VSTM4: variants seen among roughly 807,000 people sequenced by gnomAD.
VSTM4 encodes the protein V-set and transmembrane domain containing 4.
VSTM4 carries 20 observed loss-of-function variants against 36.4 expected under a neutral mutation model. The observed-to-expected ratio is 0.55, with a 90% confidence interval of 0.39 to 0.80. The LOEUF (loss-of-function observed/expected upper bound fraction) is 0.80. Among genes scored for constraint, VSTM4 ranks in the 30% least tolerant of loss-of-function variants. The probability of loss-of-function intolerance (pLI) is 0.00; values close to 1 mark genes in which losing one functional copy is unlikely to be tolerated. For missense variants in VSTM4, 392 were observed against 404.5 expected (o/e 0.97, Z 0.26); for synonymous variants, 182 against 173.9 (o/e 1.05, Z -0.37).
chr10:49,072,468 C>A (rs1340657373), intron 4 of VSTM4, among the ~76,000 whole-genome samples: 1 of 152,224 alleles, frequency 6.6e-6, no homozygotes, highest in Non-Finnish European at 1.5e-5. Flanking sequence ...TTGTTCCTTG[C>A]TTGCTTGGCC....
intron 5 of VSTM4, among the ~76,000 whole-genome samples, chr10:49,063,081 G>A (rs1033530946): frequency 6.6e-6 from 1 of 150,724 alleles, no homozygotes; most frequent in African/African-American, 2.4e-5. Flanking sequence ...CCTCATGCCT[G>A]CAATCCCAGC....
chr10:49,106,196 T>G (rs1288429179), intron 2 of VSTM4, among the ~76,000 whole-genome samples: 2 of 152,330 alleles, frequency 1.3e-5, no homozygotes, highest in East Asian at 3.9e-4. Flanking sequence ...AAAATACTTT[T>G]CACAACTAAG....
At chr10:49,073,708 C>T (rs1221868564) in intron 4 of VSTM4, among the ~76,000 whole-genome samples, 1 of 152,154 alleles carries the variant, frequency 6.6e-6, no homozygotes, top group Non-Finnish European at 1.5e-5. Context: ...GGGGACAATC[C>T]TTGACCATTG....
chr10:49,061,176 C>T (rs1000808776), intron 5 of VSTM4, among the ~76,000 whole-genome samples: 2 of 152,132 alleles, frequency 1.3e-5, no homozygotes, highest in African/African-American at 4.8e-5. Flanking sequence ...ACTGTTTCCA[C>T]ATTTAGAGAT....
intron 7 of VSTM4, among the ~76,000 whole-genome samples, chr10:49,020,181 T>C (rs1380982830): frequency 6.6e-6 from 1 of 152,220 alleles, no homozygotes; most frequent in Non-Finnish European, 1.5e-5. Context: ...CGCCACCACT[T>C]AGAAATTTTT....
At chr10:49,070,898 C>T (rs1844066496) in intron 4 of VSTM4, among the ~76,000 whole-genome samples, 1 of 152,208 alleles carries the variant, frequency 6.6e-6, no homozygotes. Context: ...GGCCCCAGGC[C>T]ATCCTCTGCT....
intron 2 of VSTM4, among the ~76,000 whole-genome samples, chr10:49,089,171 C>T (rs1300841259): frequency 2.0e-5 from 3 of 152,264 alleles, no homozygotes; most frequent in African/African-American, 7.2e-5. Context: ...ATGAGAAATG[C>T]CCATGTCAGA....
rs1843109285 is a variant in VSTM4 at position 49,016,661 on chromosome 10, ATGT to A, written c.*2986_*2988del. 1 of 152,210 alleles carries A rather than the reference ATGT, an allele frequency of 6.6e-6. No individual in the cohort carries two copies. The highest frequency in any genetic ancestry group is 1.5e-5 in the Non-Finnish European group (1 of 68,030). 9.4% of individuals were successfully genotyped at this position (152,210 alleles called of 1,614,324 possible). ...TAAAAATATATTTTCTAAATGCCCCATGTTGTCTTCACTCTCACAAGAGTCAAG... is the reference window on the plus strand; with the variant it reads ...TAAAAATATATTTTCTAAATGCCCCATGTCTTCACTCTCACAAGAGTCAAG... On this transcript the variant is annotated 3_prime_UTR_variant, in exon 8 of 8. Transcript: ENST00000332853.
intron 2 of VSTM4, among the ~76,000 whole-genome samples, chr10:49,105,958 T>C (rs1418430432): frequency 3.9e-5 from 6 of 152,184 alleles, no homozygotes; most frequent in Non-Finnish European, 5.9e-5. Context: ...GGCCCAGCCC[T>C]TGATGATCTG....
chr10:49,098,878 G>A (rs1844619287), intron 2 of VSTM4, among the ~76,000 whole-genome samples: 1 of 152,234 alleles, frequency 6.6e-6, no homozygotes, highest in African/African-American at 2.4e-5. Context: ...CTGGCACGCA[G>A]TAGGTGTTTG....
intron 5 of VSTM4, among the ~76,000 whole-genome samples, chr10:49,061,207 GT>G (rs1204863179): frequency 6.6e-6 from 1 of 152,032 alleles, no homozygotes; most frequent in Non-Finnish European, 1.5e-5. Flanking sequence ...TCGTTTTGTT[GT>G]TAATTTCTAG....
intron 7 of VSTM4, among the ~76,000 whole-genome samples, chr10:49,020,571 A>G (rs1305772584): frequency 3.3e-5 from 5 of 152,144 alleles, no homozygotes; most frequent in Admixed American, 2.0e-4. Context: ...CTTAAACAAG[A>G]CAGTTTGCTG....
chr10:49,069,837 T>C (rs1003605787), intron 4 of VSTM4, among the ~76,000 whole-genome samples: 4 of 152,162 alleles, frequency 2.6e-5, no homozygotes, highest in Non-Finnish European at 4.4e-5. Flanking sequence ...CAGGGTCCCA[T>C]AGTCCCACAT....
intron 2 of VSTM4, chr10:49,102,414 G>C (rs919672741): frequency 2.0e-6 from 2 of 985,244 alleles, no homozygotes; most frequent in African/African-American, 3.5e-5. Flanking sequence ...GATTACAGGC[G>C]TAAGCCACCA....
intron 1 of VSTM4, among the ~76,000 whole-genome samples, chr10:49,113,506 G>C (rs1844935038): frequency 6.6e-6 from 1 of 152,170 alleles, no homozygotes; most frequent in East Asian, 1.9e-4. Flanking sequence ...CAAGAGGACT[G>C]AGGTACAGAG....
At chr10:49,054,781 G>C (rs1843750357) in intron 5 of VSTM4, among the ~76,000 whole-genome samples, 1 of 152,162 alleles carries the variant, frequency 6.6e-6, no homozygotes, top group South Asian at 2.1e-4. Flanking sequence ...TGTGGCATCA[G>C]GAGTCCTCAC....
Position 49,027,091 on chromosome 10 carries a change from C to T in VSTM4, c.838-7316G>A, listed in dbSNP as rs137866914. ...AATGCCCTGACACTGATGCCATTGG[C>T]GGCCACACTCTCCTGCACTCACTGC... On this transcript the variant is annotated intron_variant, in intron 7 of 7. Coordinates refer to ENST00000332853, the MANE Select transcript of VSTM4 (RefSeq NM_001031746.5). 5.8e-3 allele frequency among the ~76,000 whole-genome samples: 881 copies of T among 152,254 alleles called. 6 individuals are homozygous for T. The highest frequency in any genetic ancestry group is 0.011 in the South Asian group (54 of 4,822).
intron 2 of VSTM4, among the ~76,000 whole-genome samples, chr10:49,104,830 C>CAG (rs144023297): frequency 1.2e-3 from 170 of 146,842 alleles, no homozygotes; most frequent in African/African-American, 3.9e-3. Flanking sequence ...GAGAGAGACA[C>CAG]AGAGAGAGAG....
chr10:49,109,217 G>A (rs530924499), intron 1 of VSTM4, among the ~76,000 whole-genome samples: 1 of 152,294 alleles, frequency 6.6e-6, no homozygotes, highest in African/African-American at 2.4e-5. Context: ...GAGGGCTTGG[G>A]CCCCAGATGT....
Sources: allele counts gnomAD v4.1 joint callset (sites outside exome capture counted in the v4.1 genomes callset), GRCh38; gene constraint gnomAD v4.1.1; transcripts MANE v1.5; gene names NCBI Gene and HGNC (gene_info 2026-07-23, HGNC 2026-07-21).